Variants in GLMN observed in about 807,000 individuals in gnomAD.
GLMN encodes the protein glomulin.
In GLMN, 75 loss-of-function variants were observed where a neutral mutation model predicts 87.8. The observed-to-expected ratio is 0.85, with a 90% CI of 0.71 to 1.04. The LOEUF (loss-of-function observed/expected upper bound fraction) is 1.04, where lower values mean the gene tolerates loss of function less well. Among genes scored for constraint, GLMN ranks in the 50% least tolerant of loss-of-function variants. GLMN has a pLI of 0.00. For synonymous variants in GLMN, 206 were observed against 221.6 expected (o/e 0.93, Z 0.63); for missense variants, 588 against 658.8 (o/e 0.89, Z 1.18).
chr1:92,333,266 G>T, the GLMN span: 1 of 682,846 alleles, frequency 1.5e-6, no homozygotes, highest in Non-Finnish European at 2.5e-6. Flanking sequence ...TAATTCTCAA[G>T]TCTAGTTATT....
At chr1:92,265,099 C>T (rs1338135733) in intron 13 of GLMN, among the ~76,000 whole-genome samples, 10 of 152,106 alleles carry the variant, frequency 6.6e-5, no homozygotes, top group Non-Finnish European at 1.5e-4. Context: ...CCTCAGCCTC[C>T]CAAAGTGCTG....
the GLMN span, among the ~76,000 whole-genome samples, chr1:92,326,059 G>A: frequency 2.6e-5 from 4 of 151,654 alleles, no homozygotes; most frequent in Admixed American, 6.6e-5. Context: ...TGGGAATGGT[G>A]GGTTATCGTA....
rs1655293423 is a variant in GLMN at position 92,263,720 on chromosome 1, T to C, written c.1312A>G (p.Asn438Asp). The change falls in exon 15 of 19, where the codon AAC becomes GAC. Residue 438 changes from asparagine (N) to aspartate (D), a missense_variant. By Grantham distance (23) the Asn-to-Asp change is conservative. Transcript: ENST00000370360. ...AACTGTGGTCCTGTAAACCATTTGT[T>C]GTTACGTGTTCTCTGAAAAGCAAAC... ...IDMSLKRTRNNKWFTGPQLIS... is the reference protein window; with the variant it reads ...IDMSLKRTRNDKWFTGPQLIS... 1.9e-6 allele frequency: 3 copies of C among 1,565,972 alleles called. No homozygotes were observed. The highest frequency in any genetic ancestry group is 1.7e-5 in the Admixed American group (1 of 59,962).
the GLMN span, among the ~76,000 whole-genome samples, chr1:92,311,958 A>T: frequency 1.3e-5 from 2 of 152,178 alleles, no homozygotes; most frequent in African/African-American, 2.4e-5. Flanking sequence ...CTGCTAACTG[A>T]TCAGGGTGGT....
intron 4 of GLMN, 96 bp downstream of exon 4, chr1:92,291,322 G>C: frequency 8.8e-7 from 1 of 1,135,660 alleles, no homozygotes; most frequent in Non-Finnish European, 1.3e-6. Flanking sequence ...GTACTTTCAT[G>C]AACCAAAAGC....
chr1:92,315,453 G>T, the GLMN span, among the ~76,000 whole-genome samples: 1 of 152,208 alleles, frequency 6.6e-6, no homozygotes, highest in Admixed American at 6.5e-5. Flanking sequence ...TTGGAAAAAT[G>T]GTGCTGACAG....
chr1:92,312,866 G>A, the GLMN span, among the ~76,000 whole-genome samples: 25 of 150,788 alleles, frequency 1.7e-4, no homozygotes, highest in Non-Finnish European at 2.9e-4. Context: ...CTGTCACCCA[G>A]GCTGGAGTGC....
At chr1:92,317,655 T>C in the GLMN span, among the ~76,000 whole-genome samples, 1 of 152,212 alleles carries the variant, frequency 6.6e-6, no homozygotes, top group African/African-American at 2.4e-5. Context: ...ATATACTTCA[T>C]GCTACTGAAC....
At chr1:92,303,055 A>C (rs1557586966), upstream of GLMN, among the ~76,000 whole-genome samples, 2 of 152,190 alleles carry the variant, frequency 1.3e-5, no homozygotes, top group Non-Finnish European at 2.9e-5. Context: ...AGAATAAAAA[A>C]ATTTTGAAAC....
At chr1:92,305,450 A>AAAAAAAAAAAAAAAAAAAAAAAC in the GLMN span, among the ~76,000 whole-genome samples, 1 of 141,852 alleles carries the variant, frequency 7.0e-6, no homozygotes, top group Admixed American at 6.9e-5. Flanking sequence ...AAAAAAAAAA[A>AAAAAAAAAAAAAAAAAAAAAAAC]AGACAATATG....
rs564741803 is a variant in GLMN at position 92,280,184 on chromosome 1, C to A, written c.735+6306G>T. The stretch of plus-strand genomic sequence containing the variant: ...AAGCGGGTCCCTGACCCCCGCGTAG[C>A]GTGATTGGGAAACACCTGCCAGTAG... On this transcript the variant is annotated intron_variant, in intron 7 of 18. Coordinates refer to ENST00000370360, the MANE Select transcript of GLMN (RefSeq NM_053274.3). 2.0e-5 allele frequency among the ~76,000 whole-genome samples: 3 copies of A among 152,338 alleles called. No homozygotes were observed. The South Asian group carries it at 6.2e-4, about 32-fold the overall frequency.
At chr1:92,283,783 A>AAAATCAATGTGCAAAAATCAC (rs1648381908) in intron 7 of GLMN, among the ~76,000 whole-genome samples, 1 of 152,214 alleles carries the variant, frequency 6.6e-6, no homozygotes, top group Non-Finnish European at 1.5e-5. Flanking sequence ...CTCAGGATAC[A>AAAATCAATGTGCAAAAATCAC]AAATCAATGT....
chr1:92,319,697 CA>C, the GLMN span, among the ~76,000 whole-genome samples: 1 of 152,146 alleles, frequency 6.6e-6, no homozygotes, highest in Non-Finnish European at 1.5e-5. Context: ...CAGACTTAAA[CA>C]TATGAAAAGT....
intron 16 of GLMN, among the ~76,000 whole-genome samples, chr1:92,249,245 C>T (rs1004525092): frequency 1.8e-4 from 27 of 148,926 alleles, no homozygotes; most frequent in Non-Finnish European, 2.5e-4. Context: ...ATATCAACAA[C>T]GGTGTAATTT....
chr1:92,300,261 C>T, upstream of GLMN: 4 of 1,581,738 alleles, frequency 2.5e-6, no homozygotes, highest in African/African-American at 4.1e-5. Context: ...ACATGGACAA[C>T]TACATTGGCA....
the GLMN span, among the ~76,000 whole-genome samples, chr1:92,338,338 A>G: frequency 6.6e-6 from 1 of 152,366 alleles, no homozygotes; most frequent in East Asian, 1.9e-4. Flanking sequence ...GCCTTTGCCA[A>G]AAGAGGATTT....
chr1:92,279,535 A>G (rs1647715389), intron 7 of GLMN, among the ~76,000 whole-genome samples: 1 of 151,350 alleles, frequency 6.6e-6, no homozygotes, highest in Non-Finnish European at 1.5e-5. Context: ...TCCCAGCGAG[A>G]TCGACGCAGA....
intron 16 of GLMN, among the ~76,000 whole-genome samples, chr1:92,254,889 T>A (rs1654014668): frequency 6.6e-6 from 1 of 152,112 alleles, no homozygotes; most frequent in South Asian, 2.1e-4. Context: ...AATGACAGGA[T>A]CAAATTCACA....
At chr1:92,265,329 A>AG (rs1030543037) in intron 13 of GLMN, among the ~76,000 whole-genome samples, 1 of 115,400 alleles carries the variant, frequency 8.7e-6, no homozygotes, top group African/African-American at 3.1e-5. Flanking sequence ...ATTGCAAAAA[A>AG]AAAAAAAAAA....
Sources: gnomAD v4.1 joint callset for allele counts (sites outside exome capture counted in the v4.1 genomes callset) on GRCh38, gnomAD v4.1.1 for gene constraint, MANE v1.5 for transcripts, NCBI Gene and HGNC (gene_info 2026-07-23, HGNC 2026-07-21) for gene names.